Variants in CSMD1 observed in about 807,000 individuals in gnomAD.
CSMD1 encodes CUB and Sushi multiple domains 1.
CSMD1 carries 213 observed loss-of-function variants against 417.5 expected under a neutral mutation model. The observed-to-expected ratio is 0.51, with a 90% confidence interval of 0.46 to 0.57. The LOEUF is 0.57. Ranked by LOEUF, CSMD1 falls within the 20% of genes least tolerant of loss-of-function variation. The pLI, the probability that CSMD1 is intolerant of heterozygous loss-of-function variation, is 0.00. For missense variants in CSMD1, 6,923 were observed against 4,529.7 expected (o/e 1.53, Z -15.17); for synonymous variants, 2,862 against 1,736.8 (o/e 1.65, Z -16.11).
At chr8:4,390,842 A>T (rs1803802765) in intron 3 of CSMD1, among the ~76,000 whole-genome samples, 1 of 152,092 alleles carries the variant, frequency 6.6e-6, no homozygotes, top group Admixed American at 6.6e-5. Flanking sequence ...TGCCCGGCCA[A>T]AAGTATCCAA....
intron 5 of CSMD1, among the ~76,000 whole-genome samples, chr8:3,774,182 C>T (rs889619966): frequency 1.3e-5 from 2 of 152,124 alleles, no homozygotes; most frequent in Admixed American, 6.6e-5. Context: ...TGACCTGCAC[C>T]GCCTGACCCT....
chr8:4,761,863 CT>C (rs1812098081), intron 1 of CSMD1, among the ~76,000 whole-genome samples: 1 of 82,854 alleles, frequency 1.2e-5, no homozygotes. Context: ...ATCTATCTAT[CT>C]ATCTATCTAT....
At chr8:4,054,234 C>T (rs1318220898) in intron 3 of CSMD1, among the ~76,000 whole-genome samples, 1 of 152,192 alleles carries the variant, frequency 6.6e-6, no homozygotes, top group Non-Finnish European at 1.5e-5. Context: ...TGTAGCTGAA[C>T]ATGGACAAAT....
intron 2 of CSMD1, among the ~76,000 whole-genome samples, chr8:4,435,960 C>G (rs1285841700): frequency 1.3e-5 from 2 of 152,156 alleles, no homozygotes; most frequent in Non-Finnish European, 1.5e-5. Context: ...GCCTTTACAT[C>G]CACACATCAC....
chr8:4,435,581 G>C lies in CSMD1; in HGVS notation c.303-15516C>G, dbSNP rs145038833. 4.4e-3 allele frequency among the ~76,000 whole-genome samples: 671 copies of C among 152,254 alleles called. 4 individuals carry two copies. The highest frequency in any genetic ancestry group is 0.01 in the Middle Eastern group (3 of 294). ...CTATGGCTGTCATGCTCCCTTCCAG[G>C]AATCATGGAATCTGCTCTTCACGGC... On this transcript the variant is annotated intron_variant, in intron 2 of 69. Coordinates refer to ENST00000635120, the MANE Select transcript of CSMD1 (RefSeq NM_033225.6).
At chr8:4,721,569 C>T (rs986017282) in intron 1 of CSMD1, among the ~76,000 whole-genome samples, 8 of 151,988 alleles carry the variant, frequency 5.3e-5, no homozygotes, top group Non-Finnish European at 1.2e-4. Flanking sequence ...TAAATGTTGA[C>T]AAAGATGTAA....
intron 2 of CSMD1, among the ~76,000 whole-genome samples, chr8:4,598,926 A>G (rs1232480876): frequency 6.6e-6 from 1 of 152,314 alleles, no homozygotes; most frequent in African/African-American, 2.4e-5. Flanking sequence ...TCAAAAAAAC[A>G]ATAATTTCAG....
At chr8:3,681,690 C>G (rs1462803171) in intron 7 of CSMD1, among the ~76,000 whole-genome samples, 1 of 152,188 alleles carries the variant, frequency 6.6e-6, no homozygotes, top group Non-Finnish European at 1.5e-5. Flanking sequence ...AAAAAAACTA[C>G]TTTAAAGTTC....
intron 2 of CSMD1, among the ~76,000 whole-genome samples, chr8:4,457,144 T>C (rs1799538633): frequency 6.6e-6 from 1 of 152,156 alleles, no homozygotes; most frequent in Non-Finnish European, 1.5e-5. Context: ...CCTATACCTT[T>C]TGATACCATG....
In CSMD1 at chr8:4,177,013, A is replaced by C. The variant is rs1178368233; in HGVS notation, c.416-144914T>G. Among the ~76,000 whole-genome samples the C allele has an allele frequency of 5.9e-5, 9 of 152,144 alleles. No homozygotes were observed. The East Asian group carries it at 7.7e-4, about 13-fold the overall frequency. ...TTAACACCCCACTGTCAACATTAGA[A>C]ATATCAACGAGACAGAAAGTCAACA... On this transcript the variant is annotated intron_variant, in intron 3 of 69. Transcript: ENST00000635120.
intron 2 of CSMD1, among the ~76,000 whole-genome samples, chr8:4,601,831 G>A (rs760588278): frequency 3.9e-5 from 6 of 152,202 alleles, no homozygotes; most frequent in Non-Finnish European, 7.3e-5. Context: ...TCTGAGGTTA[G>A]CGTGCATCTT....
chr8:4,015,877 T>A (rs553257922), intron 4 of CSMD1, among the ~76,000 whole-genome samples: 4 of 152,124 alleles, frequency 2.6e-5, no homozygotes. Flanking sequence ...ATGGTTTACA[T>A]CTCATGCTTC....
intron 3 of CSMD1, among the ~76,000 whole-genome samples, chr8:4,413,979 TG>T (rs1181975379): frequency 6.6e-6 from 1 of 152,202 alleles, no homozygotes; most frequent in Non-Finnish European, 1.5e-5. Context: ...TCTACAACAA[TG>T]TTACACTATG....
At chr8:4,041,542 A>G (rs1797895473) in intron 3 of CSMD1, among the ~76,000 whole-genome samples, 1 of 152,210 alleles carries the variant, frequency 6.6e-6, no homozygotes, top group African/African-American at 2.4e-5. Context: ...TTATGGGAAT[A>G]CAAAAATATT....
intron 3 of CSMD1, among the ~76,000 whole-genome samples, chr8:4,278,061 T>A (rs529707977): frequency 1.8e-4 from 27 of 152,184 alleles, no homozygotes; most frequent in Non-Finnish European, 3.2e-4. Context: ...TTCCCTAACT[T>A]TAAATACAAT....
Position 3,029,509 on chromosome 8 carries a change from G to T in CSMD1, c.7665C>A (p.Val2555=). 11 of 1,591,974 alleles carry T rather than the reference G, an allele frequency of 6.9e-6. No individual in the cohort carries two copies. The highest frequency in any genetic ancestry group is 9.4e-6 in the Non-Finnish European group (11 of 1,168,944). ...GCTGAGCTTCAATGCTGGGGCAAGC[G>T]ACCGCTGGAAGGGAAACGTACATCA... ...NKGKPPTCKP[V]ACPSIEAQLS... The change falls in exon 51 of 70, where the codon GTC becomes GTA. Residue 2555 remains valine (V), a synonymous_variant. Transcript: ENST00000635120.
At chr8:3,897,800 G>T (rs1807464377) in intron 5 of CSMD1, among the ~76,000 whole-genome samples, 1 of 152,136 alleles carries the variant, frequency 6.6e-6, no homozygotes, top group East Asian at 1.9e-4. Context: ...TGGGCTATTT[G>T]CTTCGTAAGT....
intron 1 of CSMD1, among the ~76,000 whole-genome samples, chr8:4,858,246 G>A (rs1430588331): frequency 2.7e-5 from 4 of 150,520 alleles, no homozygotes; most frequent in African/African-American, 4.9e-5. Flanking sequence ...AATAAATTAG[G>A]TATTGATGGG....
chr8:4,260,616 G>C lies in CSMD1; in HGVS notation c.415+159337C>G, dbSNP rs1422749841. Among the ~76,000 whole-genome samples the C allele has an allele frequency of 9.9e-5, 15 of 152,100 alleles. 1 individual carries two copies. Among genetic ancestry groups the C allele is most frequent in the Admixed American group, 8.5e-4 (13 of 15,252 alleles). Reference sequence around the variant, plus strand: ...TGAAAACACATATTTGTGGTTTTTAGAATTTTGATATTATTCATAAGTCCT... The same window carrying C: ...TGAAAACACATATTTGTGGTTTTTACAATTTTGATATTATTCATAAGTCCT... On this transcript the variant is annotated intron_variant, in intron 3 of 69. Coordinates refer to ENST00000635120, the MANE Select transcript of CSMD1 (RefSeq NM_033225.6).
Sources: allele counts gnomAD v4.1 joint callset (sites outside exome capture counted in the v4.1 genomes callset), GRCh38; gene constraint gnomAD v4.1.1; transcripts MANE v1.5; gene names NCBI Gene and HGNC (gene_info 2026-07-23, HGNC 2026-07-21).